The following KIF13B variants were observed in gnomAD, a reference collection of about 807,000 sequenced individuals.
The protein encoded by KIF13B is kinesin family member 13B.
In KIF13B, 127 loss-of-function variants were observed where a neutral mutation model predicts 222.0. The observed-to-expected ratio is 0.57, with a 90% CI of 0.50 to 0.66. The LOEUF is 0.66. KIF13B is among the 30% of genes least tolerant of loss of function. The pLI is 0.00. For missense variants in KIF13B, 2,173 were observed against 2,379.0 expected (o/e 0.91, Z 1.80); for synonymous variants, 976 against 919.0 (o/e 1.06, Z -1.12).
Position 29,109,944 on chromosome 8 carries a change from G to A in KIF13B, c.4057C>T (p.Leu1353Phe), listed in dbSNP as rs1397841348. 1.2e-6 allele frequency: 2 copies of A among 1,613,512 alleles called. No homozygotes were observed. Among genetic ancestry groups the A allele is most frequent in the South Asian group, 1.1e-5 (1 of 90,946 alleles). The change falls in exon 33 of 40, where the codon CTC (leucine) becomes TTC (phenylalanine). Residue 1353 changes from leucine (L) to phenylalanine (F), a missense_variant. Coordinates refer to ENST00000524189, the MANE Select transcript of KIF13B (RefSeq NM_015254.4). ...YLRSVLAVENLLTLDRLRQEV... is the reference protein window; with the variant it reads ...YLRSVLAVENFLTLDRLRQEV... ...TGGCGCAGACGATCTAAAGTCAGGA[G>A]GTTTTCTACAGCCAGCACGCTCCTG... is the stretch of plus-strand genomic sequence containing the variant.
chr8:29,088,297 A>G (rs923524171), intron 37 of KIF13B, among the ~76,000 whole-genome samples: 8 of 152,172 alleles, frequency 5.3e-5, no homozygotes, highest in African/African-American at 1.4e-4. Context: ...TAAAGGCTGT[A>G]ATACTCACTT....
chr8:29,222,925 T>C (rs1213883389), intron 2 of KIF13B, among the ~76,000 whole-genome samples: 1 of 152,128 alleles, frequency 6.6e-6, no homozygotes, highest in Non-Finnish European at 1.5e-5. Flanking sequence ...CAGATTTAGC[T>C]GATTCAATTT....
At position 29,219,746 on chromosome 8, in the gene KIF13B, A is replaced by AAAATAAATAAAT. The variant is rs372012234; in HGVS notation, c.150-23559_150-23548dup. Among the ~76,000 whole-genome samples the AAAATAAATAAAT allele has an allele frequency of 3.0e-3, 446 of 146,650 alleles. 4 individuals carry two copies. The highest frequency in any genetic ancestry group is 0.011 in the African/African-American group (423 of 39,488). On this transcript the variant is annotated intron_variant, in intron 2 of 39. Transcript: ENST00000524189. ...CCAGCCTGGGTGACACCCTGTTTCC[A>AAAATAAATAAAT]AAATAAATAAATAAATAAATAAATA...
intron 2 of KIF13B, among the ~76,000 whole-genome samples, chr8:29,196,767 G>A (rs1451352775): frequency 2.0e-5 from 3 of 152,098 alleles, no homozygotes; most frequent in Non-Finnish European, 4.4e-5. Context: ...ATTTTTTCTG[G>A]ATGTGGGAAT....
At chr8:29,183,176 T>TTG (rs1554614617) in intron 6 of KIF13B, among the ~76,000 whole-genome samples, 2 of 149,916 alleles carry the variant, frequency 1.3e-5, no homozygotes, top group Admixed American at 6.6e-5. Context: ...TTGTTTTTTT[T>TTG]TTTTTTTTTT....
chr8:29,134,287 G>T (rs917157985), intron 21 of KIF13B, 77 bp from the exon 22 acceptor site: 3 of 1,400,576 alleles, frequency 2.1e-6, no homozygotes, highest in South Asian at 1.3e-5. Context: ...TTCCAGCCCC[G>T]GCTCTGTCAC....
intron 10 of KIF13B, among the ~76,000 whole-genome samples, chr8:29,173,922 A>C (rs574828010): frequency 6.7e-6 from 1 of 150,308 alleles, no homozygotes; most frequent in Non-Finnish European, 1.5e-5. Context: ...CAGCCTGGGC[A>C]ACAGAGCGAG....
chr8:29,263,087 A>T, upstream of KIF13B: 1 of 1,485,774 alleles, frequency 6.7e-7, no homozygotes, highest in Non-Finnish European at 9.0e-7. Flanking sequence ...GCCACCGGCG[A>T]CTCTTCGGGG....
At chr8:29,133,771 T>A (rs78881091) in intron 22 of KIF13B, among the ~76,000 whole-genome samples, 2,723 of 152,350 alleles carry the variant, frequency 0.018, 52 homozygotes, top group African/African-American at 0.048. Flanking sequence ...TTTAGATAAT[T>A]TCTTCAGTAA....
intron 2 of KIF13B, among the ~76,000 whole-genome samples, chr8:29,200,447 TTTG>T (rs1460646490): frequency 1.3e-5 from 2 of 152,212 alleles, no homozygotes; most frequent in African/African-American, 2.4e-5. Flanking sequence ...TTGAATTATT[TTTG>T]TTGTTGTTGT....
intron 4 of KIF13B, chr8:29,189,972 C>G (rs967748900): frequency 4.6e-5 from 7 of 152,222 alleles, no homozygotes; most frequent in Admixed American, 1.3e-4. Context: ...TCTGTACTTT[C>G]TACAGTTATG....
Position 29,109,798 on chromosome 8 carries a change from G to A in KIF13B, c.4083+120C>T, listed in dbSNP as rs1458609132. 4 of 973,718 alleles carry A rather than the reference G, an allele frequency of 4.1e-6. No homozygotes were observed. The African/African-American group carries it at 6.6e-5, about 16-fold the overall frequency. The allele number at this position is 973,718 out of a possible 1,614,324, so 60.3% of individuals were successfully genotyped here. A position where few individuals can be genotyped will look rare whatever the true frequency, so the allele number is the denominator to read the frequency against. The stretch of plus-strand genomic sequence containing the variant: ...TTACAATCACTCTGGATTATTCAAA[G>A]TTCATTAGAGTGAACTCTTCAAATG... On this transcript the variant is annotated intron_variant, in intron 33 of 39. Coordinates refer to ENST00000524189, the MANE Select transcript of KIF13B (RefSeq NM_015254.4).
In KIF13B at chr8:29,113,506, G is replaced by C; in HGVS notation, c.3887C>G (p.Pro1296Arg). 6.3e-7 allele frequency: 1 copy of C among 1,594,530 alleles called. No homozygotes were observed. The highest frequency in any genetic ancestry group is 8.6e-7 in the Non-Finnish European group (1 of 1,169,016). The change falls in exon 32 of 40, where the codon CCT (proline) becomes CGT (arginine). Residue 1296 changes from proline to arginine, a missense_variant. Coordinates refer to ENST00000524189, the MANE Select transcript of KIF13B (RefSeq NM_015254.4). ...AATTTCAAAAGTCACTCCACAGCCA[G>C]GAATAGAACTTCGATGAGACATCTT... The part of the protein sequence containing the change: ...LKKMSHRSSI[P>R]GCGVTFEIVS...
At chr8:29,200,798 G>T (rs1813660850) in intron 2 of KIF13B, among the ~76,000 whole-genome samples, 1 of 152,130 alleles carries the variant, frequency 6.6e-6, no homozygotes, top group Admixed American at 6.5e-5. Context: ...CATTTATTTT[G>T]TAGAATGTCC....
At chr8:29,236,749 G>T (rs1815526051) in intron 2 of KIF13B, among the ~76,000 whole-genome samples, 1 of 152,132 alleles carries the variant, frequency 6.6e-6, no homozygotes, top group South Asian at 2.1e-4. Context: ...CTCTGTGGAA[G>T]AAGTTTGAGG....
intron 1 of KIF13B, 65 bp downstream of exon 1, chr8:29,262,915 G>T: frequency 7.3e-7 from 1 of 1,372,776 alleles, no homozygotes; most frequent in Non-Finnish European, 9.8e-7. Context: ...CACGGCGGCC[G>T]AGGGAAGGGC....
chr8:29,147,616 T>C lies in KIF13B; in HGVS notation c.1814-14A>G, dbSNP rs1285708790. ...ACTGCATCGGATCTAAACACATTTT[T>C]AAAAAAGATACATGATCGAGAGTTA... On this transcript the variant is annotated splice_polypyrimidine_tract_variant and intron_variant, in intron 16 of 39. Coordinates refer to ENST00000524189, the MANE Select transcript of KIF13B (RefSeq NM_015254.4). The C allele has an allele frequency of 2.6e-5, 41 of 1,563,018 alleles. No individual in the cohort carries two copies. The highest frequency in any genetic ancestry group is 1.2e-5 in the Non-Finnish European group (14 of 1,138,114).
In KIF13B at chr8:29,104,352, G is replaced by A. The variant is rs139946224; in HGVS notation, c.4215+3787C>T. ...CACCCAAGTCCCCTCACTCCAGCCC[G>A]TCACATACTTGGCCTCTGCAGGATT... is the stretch of plus-strand genomic sequence containing the variant. On this transcript the variant is annotated intron_variant, in intron 35 of 39. Transcript: ENST00000524189. Among the ~76,000 whole-genome samples, 405 of 152,138 alleles carry A rather than the reference G, an allele frequency of 2.7e-3. 1 individual carries two copies. Among genetic ancestry groups the A allele is most frequent in the African/African-American group, 8.9e-3 (369 of 41,508 alleles).
At chr8:29,157,509 C>T (rs1448845313) in intron 13 of KIF13B, among the ~76,000 whole-genome samples, 1 of 151,744 alleles carries the variant, frequency 6.6e-6, no homozygotes, top group Non-Finnish European at 1.5e-5. Flanking sequence ...TCAAGCCCAG[C>T]CTGGCCAACA....
Sources: allele counts gnomAD v4.1 joint callset (sites outside exome capture counted in the v4.1 genomes callset), GRCh38; gene constraint gnomAD v4.1.1; transcripts MANE v1.5; gene names NCBI Gene and HGNC (gene_info 2026-07-23, HGNC 2026-07-21).